Variants in FRA10AC1 observed in about 807,000 individuals in gnomAD.
The protein encoded by FRA10AC1 is FRA10A associated CGG repeat 1, also known as protein FRA10AC1.
A neutral mutation model predicts 56.5 loss-of-function variants in FRA10AC1; 43 were observed. The observed-to-expected ratio is 0.76, with a 90% CI of 0.60 to 0.98. FRA10AC1 has a LOEUF of 0.98. FRA10AC1 is among the 50% of genes least tolerant of loss of function. The pLI, the probability that FRA10AC1 is intolerant of heterozygous loss-of-function variation, is 0.00. For synonymous variants in FRA10AC1, 112 were observed against 110.5 expected (o/e 1.01, Z -0.09); for missense variants, 346 against 351.8 (o/e 0.98, Z 0.13).
At chr10:93,679,785 G>A (rs567011678) in intron 11 of FRA10AC1, among the ~76,000 whole-genome samples, 23 of 152,252 alleles carry the variant, frequency 1.5e-4, no homozygotes, top group African/African-American at 7.2e-5. Flanking sequence ...GGCGGAACCC[G>A]TAAGGAGAAT....
At chr10:93,693,500 A>ATGG (rs2059163278) in intron 5 of FRA10AC1, among the ~76,000 whole-genome samples, 5 of 39,994 alleles carry the variant, frequency 1.3e-4, no homozygotes, top group African/African-American at 2.2e-4. Context: ...ATATATATAT[A>ATGG]TATATATACA....
At position 93,700,118 on chromosome 10, in the gene FRA10AC1, T is replaced by C. The variant is rs1373431329; in HGVS notation, c.1-12A>G. On this transcript the variant is annotated splice_polypyrimidine_tract_variant and intron_variant, in intron 1 of 13. Transcript: ENST00000359204. ...CCATGACCATGCATCTGTAAAGGAG[T>C]ACAAAGTCAGCTATTTAGAATCTAT... The C allele has an allele frequency of 2.7e-6, 4 of 1,499,570 alleles. No homozygotes were observed. Among genetic ancestry groups the C allele is most frequent in the Non-Finnish European group, 3.7e-6 (4 of 1,085,740 alleles). The allele number at this position is 1,499,570 out of a possible 1,614,324, so 92.9% of individuals were successfully genotyped here.
chr10:93,685,181 T>C (rs1269910053), intron 9 of FRA10AC1, 65 bp downstream of exon 9: 3 of 766,570 alleles, frequency 3.9e-6, no homozygotes, highest in South Asian at 3.2e-5. Context: ...TTTTAAAGTC[T>C]ATATATTTTT....
At chr10:93,676,380 A>G (rs2058839904) in intron 12 of FRA10AC1, among the ~76,000 whole-genome samples, 1 of 152,138 alleles carries the variant, frequency 6.6e-6, no homozygotes, top group South Asian at 2.1e-4. Context: ...CTTCCTTCAC[A>G]TTTTATAACA....
At chr10:93,670,564 A>G (rs1028704782) in intron 13 of FRA10AC1, among the ~76,000 whole-genome samples, 6 of 152,106 alleles carry the variant, frequency 3.9e-5, no homozygotes, top group African/African-American at 1.4e-4. Context: ...AAGTGAACTG[A>G]TGAAAGATTT....
rs60832838 is a variant in FRA10AC1, at chr10:93,702,522, A to ACCACCGCCGCCGCCGCCGCGCCGCCG, written c.-149_-148insCGGCGGCGCGGCGGCGGCGGCGGTGG. On this transcript the variant is annotated 5_prime_UTR_variant, in exon 1 of 14. Transcript: ENST00000359204. ...GCCGCACAGCCTCGCCACAACCACC[A>ACCACCGCCGCCGCCGCCGCGCCGCCG]CCGCCGCCGCCGCCGCCGCCGCCGC... 7.9e-4 allele frequency: 170 copies of ACCACCGCCGCCGCCGCCGCGCCGCCG among 216,048 alleles called. 3 individuals are homozygous for ACCACCGCCGCCGCCGCCGCGCCGCCG. Among genetic ancestry groups the ACCACCGCCGCCGCCGCCGCGCCGCCG allele is most frequent in the Middle Eastern group, 3.9e-3 (2 of 512 alleles). The allele number at this position is 216,048 out of a possible 1,614,324, so 13.4% of individuals were successfully genotyped here. A position where few individuals can be genotyped will look rare whatever the true frequency, so the allele number is the denominator to read the frequency against.
chr10:93,676,822 A>G, intron 11 of FRA10AC1, 131 bp from the exon 12 acceptor site: 17 of 1,306,094 alleles, frequency 1.3e-5, no homozygotes, highest in Non-Finnish European at 1.7e-5. Flanking sequence ...ACTGTTTTCT[A>G]ATCTTTCATG....
In FRA10AC1 at chr10:93,692,684, T is replaced by A. The variant is rs2133930655; in HGVS notation, c.342A>T (p.Arg114Ser). The change falls in exon 6 of 14, where the codon AGA (arginine) becomes AGT (serine). Residue 114 changes from arginine (R) to serine (S), a missense_variant. Physicochemically the swap from Arg to Ser is moderately radical, Grantham distance 110. Coordinates refer to ENST00000359204, the MANE Select transcript of FRA10AC1 (RefSeq NM_145246.5). ...TDLDVIRENH[R>S]FLWNEEDEMD... ...TTTCGTCCTCCTCATTCCATAGGAA[T>A]CTATGATTTTCTCGTATAACATCCA... The A allele has an allele frequency of 6.3e-7, 1 of 1,597,434 alleles. No homozygotes were observed. Among genetic ancestry groups the A allele is most frequent in the Non-Finnish European group, 8.5e-7 (1 of 1,173,322 alleles).
At chr10:93,679,832 T>A (rs2058902559) in intron 11 of FRA10AC1, among the ~76,000 whole-genome samples, 1 of 152,238 alleles carries the variant, frequency 6.6e-6, no homozygotes, top group East Asian at 1.9e-4. Flanking sequence ...TAGTGGTTTG[T>A]AGTAGGGTGG....
chr10:93,695,286 T>A (rs2059212762), intron 4 of FRA10AC1, among the ~76,000 whole-genome samples: 1 of 152,012 alleles, frequency 6.6e-6, no homozygotes, highest in Non-Finnish European at 1.5e-5. Context: ...ATGAAAAATT[T>A]AAAAATTATA....
rs553473100 is a variant in FRA10AC1 at position 93,669,739 on chromosome 10, T to C, written c.*87A>G. 1.7e-5 allele frequency: 15 copies of C among 875,974 alleles called. No homozygotes were observed. The highest frequency in any genetic ancestry group is 8.0e-5 in the South Asian group (5 of 62,568). 54.3% of individuals were successfully genotyped at this position (875,974 alleles called of 1,614,324 possible). A position where few individuals can be genotyped will look rare whatever the true frequency, so the allele number is the denominator to read the frequency against. On this transcript the variant is annotated 3_prime_UTR_variant, in exon 14 of 14. Coordinates refer to ENST00000359204, the MANE Select transcript of FRA10AC1 (RefSeq NM_145246.5). ...AACCACACAAGCTGTAACTTGCAGA[T>C]AAAAACTTATATGGAATTTCAAATT...
At chr10:93,679,946 G>A (rs558041962) in intron 11 of FRA10AC1, among the ~76,000 whole-genome samples, 5 of 152,256 alleles carry the variant, frequency 3.3e-5, no homozygotes, top group African/African-American at 1.2e-4. Context: ...ATAATCCCCA[G>A]ATTTCTGATA....
At chr10:93,677,694 G>A (rs1435113743) in intron 11 of FRA10AC1, among the ~76,000 whole-genome samples, 1 of 152,150 alleles carries the variant, frequency 6.6e-6, no homozygotes, top group African/African-American at 2.4e-5. Context: ...TTGAACCAAT[G>A]CAGAACAATC....
Position 93,681,512 on chromosome 10 carries a change from G to A in FRA10AC1, c.755C>T (p.Ser252Phe), listed in dbSNP as rs777753842. The A allele has an allele frequency of 6.3e-7, 1 of 1,579,912 alleles. No individual in the cohort carries two copies. The highest frequency in any genetic ancestry group is 8.6e-7 in the Non-Finnish European group (1 of 1,167,948). Residue 252 changes from serine (S) to phenylalanine (F), a missense_variant, in exon 11 of 14, where the codon TCT becomes TTT. By Grantham distance (155) the Ser-to-Phe change is radical. Transcript: ENST00000359204. ...ESSHKKSRLS[S>F]AEEASKKKDK... is the part of the protein sequence containing the mutation. ...TTTTTTCTTGGAGGCCTCTTCTGCAGAAGATAATCTGGATTTTTTATGTGA... is the reference window on the plus strand; with the variant it reads ...TTTTTTCTTGGAGGCCTCTTCTGCAAAAGATAATCTGGATTTTTTATGTGA...
At chr10:93,686,309 C>T (rs1344220438) in intron 8 of FRA10AC1, among the ~76,000 whole-genome samples, 1 of 151,758 alleles carries the variant, frequency 6.6e-6, no homozygotes, top group Non-Finnish European at 1.5e-5. Context: ...AAAACAGCAA[C>T]AAAATTATAA....
chr10:93,694,151 T>C (rs2059188083), intron 5 of FRA10AC1, among the ~76,000 whole-genome samples: 1 of 152,064 alleles, frequency 6.6e-6, no homozygotes, highest in African/African-American at 2.4e-5. Context: ...GCCTTAAACA[T>C]GGGAAGGACT....
chr10:93,669,751 T>A lies in FRA10AC1; in HGVS notation c.*75A>T, dbSNP rs1041758886. On this transcript the variant is annotated 3_prime_UTR_variant, in exon 14 of 14. Transcript: ENST00000359204. ...TGTAACTTGCAGATAAAAACTTATA[T>A]GGAATTTCAAATTGCATGAAGTTTA... The A allele has an allele frequency of 9.2e-6, 9 of 976,476 alleles. No homozygotes were observed. Among genetic ancestry groups the A allele is most frequent in the Non-Finnish European group, 1.4e-5 (9 of 640,318 alleles). 60.5% of individuals were successfully genotyped at this position (976,476 alleles called of 1,614,324 possible). A position where few individuals can be genotyped will look rare whatever the true frequency, so the allele number is the denominator to read the frequency against.
At chr10:93,693,384 C>T (rs945030486) in intron 5 of FRA10AC1, among the ~76,000 whole-genome samples, 8 of 149,062 alleles carry the variant, frequency 5.4e-5, no homozygotes, top group Non-Finnish European at 1.0e-4. Context: ...TTCTAAGACA[C>T]ACACACACTA....
intron 8 of FRA10AC1, among the ~76,000 whole-genome samples, 156 bp downstream of exon 8, chr10:93,687,248 C>T (rs961535369): frequency 4.0e-5 from 6 of 151,714 alleles, no homozygotes; most frequent in Admixed American, 3.3e-4. Context: ...TATATTCAGA[C>T]CTTTGCTAAT....
Sources: allele counts gnomAD v4.1 joint callset (sites outside exome capture counted in the v4.1 genomes callset), GRCh38; gene constraint gnomAD v4.1.1; transcripts MANE v1.5; gene names NCBI Gene and HGNC (gene_info 2026-07-23, HGNC 2026-07-21).